PDE10A: variants seen among roughly 807,000 people sequenced by gnomAD.
PDE10A encodes cAMP and cAMP-inhibited cGMP 3',5'-cyclic phosphodiesterase 10A.
A neutral mutation model predicts 97.7 loss-of-function variants in PDE10A; 39 were observed. The ratio of observed to expected loss-of-function variants is 0.40; its 90% confidence interval spans 0.31 to 0.52. The LOEUF (loss-of-function observed/expected upper bound fraction) is 0.52. Among genes scored for constraint, PDE10A ranks in the 20% least tolerant of loss-of-function variants. The pLI is 0.56. For synonymous variants in PDE10A, 371 were observed against 376.8 expected (o/e 0.98, Z 0.18); for missense variants, 731 against 1,047.8 (o/e 0.70, Z 4.17).
At chr6:165,878,869 G>A (rs1043736668) in intron 1 of PDE10A, among the ~76,000 whole-genome samples, 2 of 152,184 alleles carry the variant, frequency 1.3e-5, no homozygotes, top group African/African-American at 2.4e-5. Context: ...AGGCAGCCTC[G>A]AGAAGTAGAA....
rs976157215 is a variant in PDE10A, at chr6:165,819,635, G to A, written c.-615+167894C>T. Reference sequence around the variant, plus strand: ...GGCAGAGCCGGTTGCTCCTCCCCTGGTTTCCGTGGTGTTTGACCGAAACCT... The same window carrying A: ...GGCAGAGCCGGTTGCTCCTCCCCTGATTTCCGTGGTGTTTGACCGAAACCT... On this transcript the variant is annotated intron_variant, in intron 1 of 19. Transcript: ENST00000366882. The surrounding 1 kb of genome is among the most constrained non-coding windows in gnomAD (Gnocchi z 4.2). Among the ~76,000 whole-genome samples the A allele has an allele frequency of 1.3e-5, 2 of 152,122 alleles. No homozygotes were observed. Among genetic ancestry groups the A allele is most frequent in the African/African-American group, 4.8e-5 (2 of 41,428 alleles).
intron 1 of PDE10A, among the ~76,000 whole-genome samples, chr6:165,564,883 G>C (rs896515888): frequency 6.6e-6 from 1 of 152,168 alleles, no homozygotes; most frequent in East Asian, 1.9e-4. Context: ...GAGCAAGAGA[G>C]TAAGTATAAA....
chr6:165,663,848 A>G (rs998927346), upstream of PDE10A, among the ~76,000 whole-genome samples: 1 of 151,830 alleles, frequency 6.6e-6, no homozygotes. Context: ...TCTCTTGGAC[A>G]CCCCCACCCC....
Position 165,662,403 on chromosome 6 carries a change from G to T in PDE10A, c.409C>A (p.His137Asn). The T allele has an allele frequency of 6.6e-6, 1 of 151,030 alleles. No individual in the cohort carries two copies. The highest frequency in any genetic ancestry group is 1.5e-5 in the Non-Finnish European group (1 of 68,922). The allele number at this position is 151,030 out of a possible 1,614,324, so 9.4% of individuals were successfully genotyped here. A position where few individuals can be genotyped will look rare whatever the true frequency, so the allele number is the denominator to read the frequency against. The change falls in exon 1 of 22, where the codon CAC (histidine) becomes AAC (asparagine). Residue 137 changes from histidine to asparagine, a missense_variant. His to Asn is a moderately conservative substitution (Grantham distance 68, BLOSUM62 1). Coordinates refer to ENST00000539869, the MANE Select transcript of PDE10A (RefSeq NM_001385079.1). ...PSFLPSSSAF[H>N]LPVRLPGREG... is the part of the protein sequence containing the mutation. ...CTTCCTGGGAGACGCACGGGGAGGT[G>T]AAAGGCAGATGAGGAGGGGAGAAAA...
At chr6:165,733,138 T>C (rs2128451471) in intron 1 of PDE10A, among the ~76,000 whole-genome samples, 1 of 152,354 alleles carries the variant, frequency 6.6e-6, no homozygotes, top group South Asian at 2.1e-4. Flanking sequence ...CCAACAGCTT[T>C]CTGGCTCAGT....
intron 18 of PDE10A, among the ~76,000 whole-genome samples, chr6:165,373,516 C>T (rs1483979729): frequency 1.3e-5 from 2 of 152,146 alleles, no homozygotes; most frequent in African/African-American, 4.8e-5. Context: ...AAATGCAAAT[C>T]AAAACCACAA....
chr6:165,693,308 A>G (rs955362264), intron 1 of PDE10A, among the ~76,000 whole-genome samples: 2 of 152,078 alleles, frequency 1.3e-5, no homozygotes, highest in African/African-American at 4.8e-5. Flanking sequence ...AGGTGGGTGG[A>G]TCATCTGAGG....
upstream of PDE10A, among the ~76,000 whole-genome samples, chr6:165,664,255 G>C (rs1030711268): frequency 1.3e-5 from 2 of 152,008 alleles, no homozygotes; most frequent in Non-Finnish European, 2.9e-5. Context: ...GCCATTTCTC[G>C]CCCTCCACGT....
In PDE10A at chr6:165,739,514, A is replaced by G. The variant is rs114674739; in HGVS notation, c.-614-195946T>C. Among the ~76,000 whole-genome samples, 552 of 152,330 alleles carry G rather than the reference A, an allele frequency of 3.6e-3. 3 individuals carry two copies. Among genetic ancestry groups the G allele is most frequent in the African/African-American group, 0.013 (530 of 41,568 alleles). On this transcript the variant is annotated intron_variant, in intron 1 of 19. Coordinates refer to the PDE10A transcript ENST00000366882. ...CAAGCTAGAGGAAAGACTTAAATGT[A>G]AGATCTGAAGCTGTGAAAATGCTAG...
rs377126961 is a variant in PDE10A, at chr6:165,422,424, C to T, written c.1654-3647G>A. The stretch of plus-strand genomic sequence containing the variant: ...ACATACGCATACACACATATGCATA[C>T]ACACATACGCATACACACATACGCA... On this transcript the variant is annotated intron_variant, in intron 10 of 21. Coordinates refer to ENST00000539869, the MANE Select transcript of PDE10A (RefSeq NM_001385079.1). Among the ~76,000 whole-genome samples, 5 of 144,294 alleles carry T rather than the reference C, an allele frequency of 3.5e-5. 1 individual carries two copies. The South Asian group carries it at 1.1e-3, about 33-fold the overall frequency. The allele number at this position is 144,294 out of a possible 152,430, so 94.7% of individuals were successfully genotyped here.
chr6:165,663,891 T>A (rs1790421675), upstream of PDE10A, among the ~76,000 whole-genome samples: 1 of 152,120 alleles, frequency 6.6e-6, no homozygotes, highest in Non-Finnish European at 1.5e-5. Context: ...CAGTTGCCAC[T>A]GAAGGGAAAT....
chr6:165,616,877 A>T (rs1002848571), intron 1 of PDE10A, among the ~76,000 whole-genome samples: 1 of 152,224 alleles, frequency 6.6e-6, no homozygotes, highest in Non-Finnish European at 1.5e-5. Flanking sequence ...TTGAGAACAG[A>T]GAATTTCTTG....
At chr6:165,425,279 T>G (rs985975634) in intron 10 of PDE10A, among the ~76,000 whole-genome samples, 1 of 152,132 alleles carries the variant, frequency 6.6e-6, no homozygotes, top group Non-Finnish European at 1.5e-5. Context: ...AGACGCCATA[T>G]GCTGAAGATA....
chr6:165,966,395 T>C (rs1439884783), intron 1 of PDE10A, among the ~76,000 whole-genome samples: 1 of 152,252 alleles, frequency 6.6e-6, no homozygotes, highest in East Asian at 1.9e-4. Flanking sequence ...TTTTGTCTCC[T>C]GACCATGTGT....
At chr6:165,495,706 A>G (rs1780496558) in intron 2 of PDE10A, among the ~76,000 whole-genome samples, 1 of 152,178 alleles carries the variant, frequency 6.6e-6, no homozygotes, top group African/African-American at 2.4e-5. Context: ...TCCAGCTGGA[A>G]TCTACAATAT....
chr6:165,545,396 G>C (rs966472209), intron 1 of PDE10A, among the ~76,000 whole-genome samples: 1 of 151,836 alleles, frequency 6.6e-6, no homozygotes, highest in African/African-American at 2.4e-5. Context: ...TTTCCTTTTT[G>C]TGTTACTATT....
intron 13 of PDE10A, among the ~76,000 whole-genome samples, chr6:165,411,520 T>A (rs2128226655): frequency 6.6e-6 from 1 of 152,308 alleles, no homozygotes; most frequent in East Asian, 1.9e-4. Flanking sequence ...CACACCTTGA[T>A]CTTGGACTTC....
At chr6:165,678,557 CGCTCCCT>C (rs550331476) in intron 1 of PDE10A, among the ~76,000 whole-genome samples, 71 of 152,098 alleles carry the variant, frequency 4.7e-4, no homozygotes, top group African/African-American at 1.6e-3. Context: ...TTGTTAACCC[CGCTCCCT>C]GCTTCTATTC....
chr6:165,563,845 C>A (rs1318395402), intron 1 of PDE10A, among the ~76,000 whole-genome samples: 1 of 150,924 alleles, frequency 6.6e-6, no homozygotes, highest in Non-Finnish European at 1.5e-5. Flanking sequence ...TAGCTGAGAT[C>A]GTGCCACTGC....
Sources: gnomAD v4.1 joint callset for allele counts (sites outside exome capture counted in the v4.1 genomes callset) on GRCh38, gnomAD v4.1.1 for gene constraint, Gnocchi (gnomAD v3.1) non-coding constraint, MANE v1.5 for transcripts, NCBI Gene and HGNC (gene_info 2026-07-23, HGNC 2026-07-21) for gene names.